The following TAPT1 variants were observed in gnomAD, a reference collection of about 807,000 sequenced individuals.
The protein encoded by TAPT1 is transmembrane anterior posterior transformation protein 1 homolog.
A neutral mutation model predicts 65.6 loss-of-function variants in TAPT1; 28 were observed. The ratio of observed to expected loss-of-function variants is 0.43; its 90% CI spans 0.32 to 0.59. The LOEUF is 0.59. Ranked by LOEUF, TAPT1 falls within the 20% of genes least tolerant of loss-of-function variation. The probability of loss-of-function intolerance (pLI) is 0.09; values close to 1 mark genes in which losing one functional copy is unlikely to be tolerated. For missense variants in TAPT1, 563 were observed against 679.9 expected (o/e 0.83, Z 1.91); for synonymous variants, 278 against 245.2 (o/e 1.13, Z -1.25).
At chr4:16,182,743 G>A (rs574096323) in intron 7 of TAPT1, 140 of 152,284 alleles carry the variant, frequency 9.2e-4, no homozygotes, top group African/African-American at 3.3e-3. Flanking sequence ...CAGAAAGGCT[G>A]GGGTTCCACA....
At chr4:16,207,352 T>C (rs1203123149) in intron 2 of TAPT1, among the ~76,000 whole-genome samples, 1 of 152,240 alleles carries the variant, frequency 6.6e-6, no homozygotes, top group Non-Finnish European at 1.5e-5. Flanking sequence ...TTTCTTAACA[T>C]ATCCTCACAC....
chr4:16,203,672 G>A (rs1750174852), intron 2 of TAPT1, among the ~76,000 whole-genome samples: 2 of 152,080 alleles, frequency 1.3e-5, no homozygotes, highest in African/African-American at 4.8e-5. Flanking sequence ...CCAAGAAGAG[G>A]CCTCAGAAGA....
intron 12 of TAPT1, among the ~76,000 whole-genome samples, chr4:16,167,916 TAA>T (rs2149666421): frequency 6.6e-6 from 1 of 152,292 alleles, no homozygotes; most frequent in East Asian, 1.9e-4. Flanking sequence ...TTGCTTCTAC[TAA>T]AAAGTTTCTG....
At chr4:16,226,678 T>A, upstream of TAPT1, 1 of 165,550 alleles carries the variant, frequency 6.0e-6, no homozygotes, top group Non-Finnish European at 1.2e-5. Context: ...CTTCCTGCCC[T>A]CGCCGTGGCG....
intron 7 of TAPT1, among the ~76,000 whole-genome samples, chr4:16,184,481 A>G (rs1057259975): frequency 6.6e-6 from 1 of 152,234 alleles, no homozygotes; most frequent in African/African-American, 2.4e-5. Flanking sequence ...AATTCTTGCA[A>G]CAAGTCCTAC....
chr4:16,219,783 T>A (rs1339944865), intron 1 of TAPT1, among the ~76,000 whole-genome samples: 1 of 152,196 alleles, frequency 6.6e-6, no homozygotes, highest in East Asian at 1.9e-4. Context: ...TCCATTTTCA[T>A]ATTATGAAAA....
Position 16,226,348 on chromosome 4 carries a change from C to A in TAPT1, c.110G>T (p.Gly37Val). The A allele has an allele frequency of 9.0e-7, 1 of 1,114,822 alleles. No individual in the cohort carries two copies. Among genetic ancestry groups the A allele is most frequent in the South Asian group, 4.3e-5 (1 of 23,316 alleles). The allele number at this position is 1,114,822 out of a possible 1,614,324, so 69.1% of individuals were successfully genotyped here. Reference protein sequence around the residue: ...GEAEQPGGSGGQGPPPAPQLT... With the variant: ...GEAEQPGGSGVQGPPPAPQLT... Reference sequence around the variant, plus strand: ...CTGAGGCGCCGGCGGGGGCCCCTGTCCGCCGCTGCCGCCCGGCTGCTCCGC... The same window carrying A: ...CTGAGGCGCCGGCGGGGGCCCCTGTACGCCGCTGCCGCCCGGCTGCTCCGC... Residue 37 changes from glycine (G) to valine (V), a missense_variant, in exon 1 of 14, where the codon GGA (glycine) becomes GTA (valine). Gly to Val is a moderately radical substitution (Grantham distance 109, BLOSUM62 -3). This residue lies in a region of TAPT1 where 103 missense variants were observed against 89.4 expected (regional missense o/e 1.15). Coordinates refer to ENST00000405303, the MANE Select transcript of TAPT1 (RefSeq NM_153365.3).
intron 9 of TAPT1, chr4:16,175,029 A>G: frequency 5.0e-6 from 1 of 199,180 alleles, no homozygotes; most frequent in Admixed American, 5.9e-5. Flanking sequence ...TATTTTAAGT[A>G]GTGTAATGTA....
At chr4:16,199,928 C>T (rs1749933409) in intron 3 of TAPT1, among the ~76,000 whole-genome samples, 1 of 152,048 alleles carries the variant, frequency 6.6e-6, no homozygotes, top group Non-Finnish European at 1.5e-5. Flanking sequence ...GTGCCCTGTA[C>T]CCCCACGTAA....
intron 1 of TAPT1, among the ~76,000 whole-genome samples, chr4:16,219,150 G>A (rs1262480164): frequency 6.6e-6 from 1 of 152,142 alleles, no homozygotes; most frequent in African/African-American, 2.4e-5. Context: ...GAGAGGCTAA[G>A]GAGATCTCCA....
intron 9 of TAPT1, among the ~76,000 whole-genome samples, chr4:16,175,508 A>G (rs1748264433): frequency 6.6e-6 from 1 of 152,162 alleles, no homozygotes; most frequent in African/African-American, 2.4e-5. Context: ...AAAATCTAGA[A>G]AACTGTGGAA....
chr4:16,214,634 G>A (rs973620844), intron 1 of TAPT1: 2 of 152,198 alleles, frequency 1.3e-5, no homozygotes, highest in Non-Finnish European at 2.9e-5. Flanking sequence ...GAAGCTTGAG[G>A]TGAGAAGCGA....
chr4:16,208,392 T>C (rs538081876), intron 2 of TAPT1, among the ~76,000 whole-genome samples: 1 of 152,318 alleles, frequency 6.6e-6, no homozygotes, highest in South Asian at 2.1e-4. Flanking sequence ...TAGCCTCCTT[T>C]GCAGCTGGGA....
chr4:16,168,152 C>T (rs563263384), intron 12 of TAPT1, among the ~76,000 whole-genome samples: 19 of 151,226 alleles, frequency 1.3e-4, no homozygotes, highest in African/African-American at 3.7e-4. Context: ...CTTGCATTGT[C>T]GCCCAGGCTG....
chr4:16,174,326 T>C (rs971937725), intron 10 of TAPT1, 54 bp from the exon 11 acceptor site: 2 of 1,454,858 alleles, frequency 1.4e-6, no homozygotes, highest in Non-Finnish European at 9.4e-7. Context: ...AACAGCATTT[T>C]AAAAGTACTA....
intron 12 of TAPT1, among the ~76,000 whole-genome samples, chr4:16,170,007 C>T (rs1034611900): frequency 6.6e-5 from 10 of 152,164 alleles, no homozygotes; most frequent in African/African-American, 2.2e-4. Context: ...ACAGGTTTCC[C>T]GTTTCATTTT....
At chr4:16,189,321 C>A (rs1250899483) in intron 4 of TAPT1, among the ~76,000 whole-genome samples, 1 of 152,096 alleles carries the variant, frequency 6.6e-6, no homozygotes, top group Non-Finnish European at 1.5e-5. Context: ...TATATCATTT[C>A]CTAATGTCTC....
At chr4:16,165,922 T>C (rs1432613890) in intron 13 of TAPT1, among the ~76,000 whole-genome samples, 1 of 152,126 alleles carries the variant, frequency 6.6e-6, no homozygotes, top group Non-Finnish European at 1.5e-5. Flanking sequence ...GAATGATCCT[T>C]TTAAAATGTC....
intron 7 of TAPT1, among the ~76,000 whole-genome samples, chr4:16,180,375 A>C (rs1396862877): frequency 1.3e-5 from 2 of 152,194 alleles, no homozygotes; most frequent in Non-Finnish European, 2.9e-5. Context: ...AATGGGACAA[A>C]ATAAATTTGT....
Sources: allele counts gnomAD v4.1 joint callset (sites outside exome capture counted in the v4.1 genomes callset), GRCh38; gene constraint gnomAD v4.1.1; regional missense constraint gnomAD v4.1.1; transcripts MANE v1.5; gene names NCBI Gene and HGNC (gene_info 2026-07-23, HGNC 2026-07-21).